The following STPG4 variants were observed in gnomAD, a reference collection of about 807,000 sequenced individuals.
STPG4 encodes protein STPG4.
In STPG4, 41 loss-of-function variants were observed where a neutral mutation model predicts 31.5. The observed-to-expected ratio is 1.30, with a 90% CI of 1.01 to 1.69. The LOEUF is 1.69. Among genes scored for constraint, STPG4 ranks in the 40% most tolerant of loss-of-function variants. STPG4 has a pLI of 0.00. For missense variants in STPG4, 375 were observed against 293.4 expected (o/e 1.28, Z -2.03); for synonymous variants, 141 against 103.0 (o/e 1.37, Z -2.24).
chr2:47,124,022 G>T (rs555075931), intron 5 of STPG4, among the ~76,000 whole-genome samples: 1 of 151,396 alleles, frequency 6.6e-6, no homozygotes, highest in East Asian at 1.9e-4. Context: ...TCACTCTGTT[G>T]CCCATTCTGG....
intron 5 of STPG4, chr2:47,121,054 G>C (rs999679057): frequency 6.5e-6 from 1 of 153,728 alleles, no homozygotes; most frequent in Non-Finnish European, 1.5e-5. Context: ...CCTTGCAGAG[G>C]ACTTGCGAAG....
intron 5 of STPG4, among the ~76,000 whole-genome samples, chr2:47,110,232 A>T (rs1004907477): frequency 6.6e-6 from 1 of 152,242 alleles, no homozygotes. Context: ...ATTTAATAAC[A>T]AAGTGTTTTC....
intron 3 of STPG4, among the ~76,000 whole-genome samples, chr2:47,133,835 C>A (rs1240829095): frequency 6.6e-6 from 1 of 151,876 alleles, no homozygotes; most frequent in Admixed American, 6.6e-5. Context: ...CTTTGGCCTC[C>A]CAAAGTGCTG....
At chr2:47,089,617 C>G (rs1170933139) in intron 6 of STPG4, among the ~76,000 whole-genome samples, 1 of 151,304 alleles carries the variant, frequency 6.6e-6, no homozygotes, top group Non-Finnish European at 1.5e-5. Context: ...AGACTGAAAG[C>G]AACAAAGCTA....
At chr2:47,091,250 A>G (rs35151979) in intron 5 of STPG4, among the ~76,000 whole-genome samples, 17,643 of 152,218 alleles carry the variant, frequency 0.12, 1,190 homozygotes, top group South Asian at 0.17. Context: ...TGCTGGCAGA[A>G]GCATAAATTC....
intron 5 of STPG4, among the ~76,000 whole-genome samples, chr2:47,091,650 C>T (rs1295527307): frequency 6.6e-6 from 1 of 152,154 alleles, no homozygotes; most frequent in East Asian, 1.9e-4. Context: ...TAACCCAAAA[C>T]ACTGGCCTAA....
At chr2:47,138,603 G>A (rs1024432271) in intron 3 of STPG4, among the ~76,000 whole-genome samples, 2 of 152,054 alleles carry the variant, frequency 1.3e-5, no homozygotes, top group African/African-American at 2.4e-5. Context: ...AGGCTGGAGT[G>A]TAGTGCCATG....
chr2:47,118,827 T>C (rs56239389), intron 5 of STPG4, among the ~76,000 whole-genome samples: 15,754 of 152,210 alleles, frequency 0.1, 915 homozygotes, highest in Non-Finnish European at 0.12. Context: ...CAGAAGACAC[T>C]AAACGGGTGG....
chr2:47,117,063 C>T (rs1686167080), intron 5 of STPG4, among the ~76,000 whole-genome samples: 1 of 152,162 alleles, frequency 6.6e-6, no homozygotes, highest in Non-Finnish European at 1.5e-5. Context: ...GGTATGGGTG[C>T]CCCTTGCCTT....
At chr2:47,134,495 T>C (rs796555403) in intron 3 of STPG4, among the ~76,000 whole-genome samples, 48 of 152,380 alleles carry the variant, frequency 3.2e-4, no homozygotes, top group African/African-American at 1.1e-3. Context: ...CTTCGTGATA[T>C]GCATTTATGT....
intron 5 of STPG4, among the ~76,000 whole-genome samples, chr2:47,118,120 C>T (rs1057318957): frequency 1.3e-5 from 2 of 152,032 alleles, no homozygotes; most frequent in African/African-American, 4.8e-5. Context: ...ACGTCAGGGT[C>T]CCCAACCCCC....
chr2:47,111,532 G>C (rs978392743), intron 5 of STPG4, among the ~76,000 whole-genome samples: 2 of 152,154 alleles, frequency 1.3e-5, no homozygotes, highest in Admixed American at 6.5e-5. Flanking sequence ...AAATGATTAG[G>C]ATTTGTTCCT....
intron 5 of STPG4, among the ~76,000 whole-genome samples, chr2:47,099,041 T>C (rs1685733968): frequency 6.6e-6 from 1 of 152,254 alleles, no homozygotes; most frequent in South Asian, 2.1e-4. Flanking sequence ...ACCTTGGTAC[T>C]GTTTATTTCT....
intron 5 of STPG4, among the ~76,000 whole-genome samples, chr2:47,101,019 G>A (rs928784355): frequency 6.6e-5 from 10 of 151,850 alleles, no homozygotes; most frequent in African/African-American, 1.2e-4. Context: ...ATCACCAAGC[G>A]GTGAGACAAT....
chr2:47,104,292 TACTGTTAAACATTTGAAAGCTC>T (rs1416246257), intron 5 of STPG4, among the ~76,000 whole-genome samples: 2 of 152,006 alleles, frequency 1.3e-5, no homozygotes, highest in Admixed American at 6.5e-5. Context: ...GATTACGGAA[TACTGTTAAACATTTGAAAGCTC>T]ACGGCTTAGT....
At chr2:47,089,698 T>C (rs939207508) in intron 6 of STPG4, among the ~76,000 whole-genome samples, 3 of 152,170 alleles carry the variant, frequency 2.0e-5, no homozygotes, top group Non-Finnish European at 4.4e-5. Flanking sequence ...ATTATGCTTT[T>C]ATAATCTTTC....
At chr2:47,093,584 C>T (rs1370783735) in intron 5 of STPG4, among the ~76,000 whole-genome samples, 2 of 152,308 alleles carry the variant, frequency 1.3e-5, no homozygotes, top group East Asian at 3.9e-4. Flanking sequence ...TGCCCCTTTT[C>T]CCCAGGCCTA....
intron 5 of STPG4, among the ~76,000 whole-genome samples, chr2:47,091,594 T>C (rs1685570266): frequency 6.6e-6 from 1 of 152,180 alleles, no homozygotes. Context: ...ATGTCTTAGA[T>C]CTGTTTCTAA....
chr2:47,152,035 T>C (rs1686949817), intron 2 of STPG4, among the ~76,000 whole-genome samples: 3 of 152,132 alleles, frequency 2.0e-5, no homozygotes, highest in Admixed American at 6.5e-5. Context: ...AGTGCTGGGA[T>C]TACAGGCGTG....
Sources: allele counts gnomAD v4.1 joint callset (sites outside exome capture counted in the v4.1 genomes callset), GRCh38; gene constraint gnomAD v4.1.1; transcripts MANE v1.5; gene names NCBI Gene and HGNC (gene_info 2026-07-23, HGNC 2026-07-21).